The following SLC35A3 variants were observed in gnomAD, a reference collection of about 807,000 sequenced individuals.
SLC35A3 encodes the protein UDP-N-acetylglucosamine transporter.
A neutral mutation model predicts 39.0 loss-of-function variants in SLC35A3; 26 were observed. The ratio of observed to expected loss-of-function variants is 0.67; its 90% CI spans 0.49 to 0.92. The LOEUF is 0.92. Ranked by LOEUF, SLC35A3 falls within the 40% of genes least tolerant of loss-of-function variation. The pLI is 0.00. For synonymous variants in SLC35A3, 135 were observed against 133.1 expected, an observed-to-expected ratio of 1.01 and a Z score of -0.10; for missense variants, 299 against 371.6, an observed-to-expected ratio of 0.80 and a Z score of 1.61.
intron 1 of SLC35A3, among the ~76,000 whole-genome samples, chr1:99,986,521 G>A (rs1390564890): frequency 6.6e-6 from 1 of 151,922 alleles, no homozygotes; most frequent in Non-Finnish European, 1.5e-5. Flanking sequence ...TTATATTGAT[G>A]TTTGGAAATG....
At chr1:99,998,997 A>G (rs932264180) in intron 2 of SLC35A3, among the ~76,000 whole-genome samples, 1 of 152,204 alleles carries the variant, frequency 6.6e-6, no homozygotes, top group East Asian at 1.9e-4. Flanking sequence ...ATGTGTTTGT[A>G]TGTGTTTGTA....
intron 3 of SLC35A3, among the ~76,000 whole-genome samples, chr1:100,003,416 CAAAAAAAAAAA>C (rs34020224): frequency 1.7e-5 from 1 of 57,178 alleles, no homozygotes; most frequent in African/African-American, 6.8e-5. Context: ...AACTCCATCT[CAAAAAAAAAAA>C]AAAAAAAAAA....
chr1:100,032,781 G>A lies in SLC35A3; in HGVS notation c.*10305G>A, dbSNP rs1276843605. 2.0e-5 allele frequency: 3 copies of A among 151,922 alleles called. No homozygotes were observed. Among genetic ancestry groups the A allele is most frequent in the South Asian group, 4.1e-4 (2 of 4,824 alleles). The allele number at this position is 151,922 out of a possible 1,614,324, so 9.4% of individuals were successfully genotyped here. A position where few individuals can be genotyped will look rare whatever the true frequency, so the allele number is the denominator to read the frequency against. The stretch of plus-strand genomic sequence containing the variant: ...AGGCTGGTCTTGAACTCCTGACCTC[G>A]TGATCCACCCGCCTCGGCCTCCCAA... On this transcript the variant is annotated 3_prime_UTR_variant, in exon 8 of 8. Coordinates refer to ENST00000533028, the MANE Select transcript of SLC35A3 (RefSeq NM_012243.3).
chr1:99,998,534 C>T (rs59519183), intron 2 of SLC35A3, among the ~76,000 whole-genome samples: 13,853 of 152,152 alleles, frequency 0.091, 1,131 homozygotes, highest in African/African-American at 0.22. Context: ...CTTTGTCCAC[C>T]CCAGGGACTT....
At position 100,032,815 on chromosome 1, in the gene SLC35A3, G is replaced by T. The variant is rs180934609; in HGVS notation, c.*10339G>T. ...CCGCCTCGGCCTCCCAAAGTGCTGG[G>T]ATTACAGGCATGAGCCACCGCGCCC... On this transcript the variant is annotated 3_prime_UTR_variant, in exon 8 of 8. Transcript: ENST00000533028. 672 of 152,390 alleles carry T rather than the reference G, an allele frequency of 4.4e-3. 2 individuals carry two copies. The highest frequency in any genetic ancestry group is 0.024 in the Middle Eastern group (7 of 296). 9.4% of individuals were successfully genotyped at this position (152,390 alleles called of 1,614,324 possible). A position where few individuals can be genotyped will look rare whatever the true frequency, so the allele number is the denominator to read the frequency against.
At chr1:99,979,979 A>G (rs1159278356) in intron 1 of SLC35A3, among the ~76,000 whole-genome samples, 1 of 151,382 alleles carries the variant, frequency 6.6e-6, no homozygotes, top group Non-Finnish European at 1.5e-5. Flanking sequence ...AGGAGGCAGA[A>G]GTTGCAGTGA....
chr1:99,997,166 A>G (rs555993934), intron 2 of SLC35A3, among the ~76,000 whole-genome samples: 2 of 151,886 alleles, frequency 1.3e-5, no homozygotes, highest in South Asian at 4.2e-4. Flanking sequence ...TGGAGGAAAT[A>G]AAGGAAAAGA....
intron 1 of SLC35A3, among the ~76,000 whole-genome samples, chr1:99,971,689 G>A (rs1656821864): frequency 6.6e-6 from 1 of 152,054 alleles, no homozygotes; most frequent in Non-Finnish European, 1.5e-5. Flanking sequence ...CAAACTAGTC[G>A]TTAATTAGAC....
Position 99,988,700 on chromosome 1 carries a change from T to C in SLC35A3, c.-18-4837T>C, listed in dbSNP as rs529083610. On this transcript the variant is annotated intron_variant, in intron 1 of 7. Transcript: ENST00000533028. Reference sequence around the variant, plus strand: ...CCTTTCCTACCTTCCCTTTCTTACCTGTCTTTCTCCCCTTGGTCTCCTCTC... The same window carrying C: ...CCTTTCCTACCTTCCCTTTCTTACCCGTCTTTCTCCCCTTGGTCTCCTCTC... Among the ~76,000 whole-genome samples, 12 of 136,990 alleles carry C rather than the reference T, an allele frequency of 8.8e-5. No individual in the cohort carries two copies. In the South Asian group the frequency reaches 3.2e-3, roughly 37 times the overall value. 89.9% of individuals were successfully genotyped at this position (136,990 alleles called of 152,430 possible). A position where few individuals can be genotyped will look rare whatever the true frequency, so the allele number is the denominator to read the frequency against.
chr1:99,980,627 A>T (rs1657401007), intron 1 of SLC35A3, among the ~76,000 whole-genome samples: 1 of 152,236 alleles, frequency 6.6e-6, no homozygotes, highest in African/African-American at 2.4e-5. Context: ...TAACTTACGT[A>T]CAGGTGATAT....
At chr1:99,991,206 C>T (rs550064036) in intron 1 of SLC35A3, among the ~76,000 whole-genome samples, 15 of 152,132 alleles carry the variant, frequency 9.9e-5, no homozygotes, top group Non-Finnish European at 1.6e-4. Context: ...AGTGCAGTGG[C>T]GCAATCTCAG....
At chr1:99,974,526 T>G (rs1657000020) in intron 1 of SLC35A3, among the ~76,000 whole-genome samples, 2 of 152,150 alleles carry the variant, frequency 1.3e-5, no homozygotes, top group South Asian at 4.1e-4. Context: ...GATGAAGTCT[T>G]ATTATGTTGG....
At position 99,978,306 on chromosome 1, in the gene SLC35A3, G is replaced by T. The variant is rs550999292; in HGVS notation, c.-19+8144G>T. Among the ~76,000 whole-genome samples the T allele has an allele frequency of 9.2e-5, 14 of 152,212 alleles. No individual in the cohort carries two copies. The East Asian group carries it at 2.7e-3, about 29-fold the overall frequency. ...TGTGGGAAGCTGAGGCAGGAGGATG[G>T]CCTGAGCCTGAGACCAGCCTGGGCA... On this transcript the variant is annotated intron_variant, in intron 1 of 7. Transcript: ENST00000533028.
chr1:99,978,343 C>T (rs1011257568), intron 1 of SLC35A3, among the ~76,000 whole-genome samples: 5 of 152,016 alleles, frequency 3.3e-5, no homozygotes, highest in African/African-American at 9.7e-5. Context: ...CACAGGGAGA[C>T]CCCATCTTTA....
intron 1 of SLC35A3, among the ~76,000 whole-genome samples, chr1:99,971,990 C>T (rs578204122): frequency 4.6e-5 from 7 of 152,106 alleles, no homozygotes; most frequent in East Asian, 1.9e-4. Flanking sequence ...CTCCGTCTCC[C>T]GGGTTCAAGC....
intron 3 of SLC35A3, among the ~76,000 whole-genome samples, chr1:100,001,859 A>G (rs1453992867): frequency 6.6e-6 from 1 of 152,194 alleles, no homozygotes; most frequent in African/African-American, 2.4e-5. Context: ...TGAGATGATC[A>G]TAAGGTTTTT....
Position 100,030,388 on chromosome 1 carries a change from C to A in SLC35A3, c.*7912C>A. 6.6e-6 allele frequency: 1 copy of A among 152,218 alleles called. No individual in the cohort carries two copies. Among genetic ancestry groups the A allele is most frequent in the South Asian group, 2.1e-4 (1 of 4,834 alleles). 9.4% of individuals were successfully genotyped at this position (152,218 alleles called of 1,614,324 possible). On this transcript the variant is annotated 3_prime_UTR_variant, in exon 8 of 8. Coordinates refer to ENST00000533028, the MANE Select transcript of SLC35A3 (RefSeq NM_012243.3). ...TAAAATATACTTTAAGCTTGTCCAA[C>A]GCGCGGCCTGCAGGCTGCATGCAGC...
Position 100,032,405 on chromosome 1 carries a change from C to G in SLC35A3, c.*9929C>G, listed in dbSNP as rs1364005082. 1 of 151,920 alleles carries G rather than the reference C, an allele frequency of 6.6e-6. No individual in the cohort carries two copies. The highest frequency in any genetic ancestry group is 1.5e-5 in the Non-Finnish European group (1 of 67,984). The allele number at this position is 151,920 out of a possible 1,614,324, so 9.4% of individuals were successfully genotyped here. A position where few individuals can be genotyped will look rare whatever the true frequency, so the allele number is the denominator to read the frequency against. ...AAAAGTATATTTCCCTCCTGTTTCT[C>G]TAATATCCCTCTTTAAAAAAAAGAC... On this transcript the variant is annotated 3_prime_UTR_variant, in exon 8 of 8. Transcript: ENST00000533028.
intron 3 of SLC35A3, among the ~76,000 whole-genome samples, chr1:100,006,506 A>C (rs1201824893): frequency 6.6e-6 from 1 of 152,012 alleles, no homozygotes; most frequent in Non-Finnish European, 1.5e-5. Context: ...TTCAGGCCCC[A>C]GTTTGTGTGC....
Sources: gnomAD v4.1 joint callset for allele counts (sites outside exome capture counted in the v4.1 genomes callset) on GRCh38, gnomAD v4.1.1 for gene constraint, MANE v1.5 for transcripts, NCBI Gene and HGNC (gene_info 2026-07-23, HGNC 2026-07-21) for gene names.